Variants in ITGA8 observed in about 807,000 individuals in gnomAD.
ITGA8 encodes integrin alpha-8.
ITGA8 carries 91 observed loss-of-function variants against 142.3 expected under a neutral mutation model. That is an observed-to-expected ratio of 0.64 (90% CI 0.54 to 0.76). ITGA8 has a LOEUF of 0.76. Among genes scored for constraint, ITGA8 ranks in the 30% least tolerant of loss-of-function variants. The pLI, the probability that ITGA8 is intolerant of heterozygous loss-of-function variation, is 0.00. For synonymous variants in ITGA8, 505 were observed against 485.2 expected (o/e 1.04, Z -0.54); for missense variants, 1,406 against 1,327.7 (o/e 1.06, Z -0.92).
At chr10:15,569,550 A>G (rs1834141909) in intron 25 of ITGA8, among the ~76,000 whole-genome samples, 1 of 152,174 alleles carries the variant, frequency 6.6e-6, no homozygotes, top group Admixed American at 6.5e-5. Flanking sequence ...TAGTAAGCCC[A>G]TCCTCTGTCT....
At chr10:15,643,725 G>A (rs757027485) in intron 13 of ITGA8, among the ~76,000 whole-genome samples, 1 of 152,184 alleles carries the variant, frequency 6.6e-6, no homozygotes, top group Non-Finnish European at 1.5e-5. Flanking sequence ...AGTGCAAGCC[G>A]CGGTATTGAG....
At chr10:15,710,397 A>G (rs181834068) in intron 2 of ITGA8, among the ~76,000 whole-genome samples, 2 of 152,346 alleles carry the variant, frequency 1.3e-5, no homozygotes, top group East Asian at 3.9e-4. Context: ...CAAAAACATT[A>G]CTTATTTAGT....
chr10:15,630,696 C>T (rs1028513675), intron 13 of ITGA8, among the ~76,000 whole-genome samples: 3 of 151,746 alleles, frequency 2.0e-5, no homozygotes, highest in Non-Finnish European at 4.4e-5. Flanking sequence ...ATATGGCTTC[C>T]GATTTACATA....
chr10:15,681,632 A>G (rs1165680181), intron 4 of ITGA8, among the ~76,000 whole-genome samples: 2 of 152,196 alleles, frequency 1.3e-5, no homozygotes, highest in Non-Finnish European at 2.9e-5. Context: ...AGTCTGGCAA[A>G]AAGGCAGAAC....
At chr10:15,557,759 C>T (rs553519144) in intron 26 of ITGA8, among the ~76,000 whole-genome samples, 1 of 152,240 alleles carries the variant, frequency 6.6e-6, no homozygotes, top group Non-Finnish European at 1.5e-5. Context: ...CACAGCCCAG[C>T]ATCTATGCAC....
At chr10:15,541,416 A>C (rs1833566967) in intron 27 of ITGA8, among the ~76,000 whole-genome samples, 1 of 152,224 alleles carries the variant, frequency 6.6e-6, no homozygotes, top group Admixed American at 6.5e-5. Flanking sequence ...GGCATCAAAA[A>C]TCACTTCTTG....
At position 15,520,285 on chromosome 10, in the gene ITGA8, C is replaced by T. The variant is rs577394121; in HGVS notation, c.2983-873G>A. Among the ~76,000 whole-genome samples, 3 of 152,184 alleles carry T rather than the reference C, an allele frequency of 2.0e-5. No individual in the cohort carries two copies. The East Asian group carries it at 5.8e-4, about 30-fold the overall frequency. ...AAAATTAGCTGGGTGTGGTGGCGCA[C>T]ACCTGTAATCCCAGCTACTCAGGAG... is the stretch of plus-strand genomic sequence containing the variant. On this transcript the variant is annotated intron_variant, in intron 28 of 29. Coordinates refer to ENST00000378076, the MANE Select transcript of ITGA8 (RefSeq NM_003638.3).
intron 27 of ITGA8, among the ~76,000 whole-genome samples, chr10:15,538,068 C>G (rs150468178): frequency 8.8e-4 from 134 of 152,234 alleles, no homozygotes; most frequent in African/African-American, 3.1e-3. Flanking sequence ...AAGTTTGAGG[C>G]TGCAATGAGA....
chr10:15,631,386 A>G (rs1425813297), intron 13 of ITGA8, among the ~76,000 whole-genome samples: 1 of 152,038 alleles, frequency 6.6e-6, no homozygotes, highest in African/African-American at 2.4e-5. Flanking sequence ...CCATGCAGCC[A>G]TAAAAAAGGA....
intron 1 of ITGA8, 60 bp from the exon 2 acceptor site, chr10:15,718,959 C>T: frequency 6.2e-7 from 1 of 1,611,728 alleles, no homozygotes; most frequent in East Asian, 2.2e-5. Context: ...GCATGCAATG[C>T]AGTCTCTGTA....
chr10:15,651,979 A>G (rs1480083832), intron 11 of ITGA8, among the ~76,000 whole-genome samples: 1 of 152,176 alleles, frequency 6.6e-6, no homozygotes, highest in Non-Finnish European at 1.5e-5. Flanking sequence ...TATGAACGGC[A>G]TTAGTAAATT....
intron 27 of ITGA8, among the ~76,000 whole-genome samples, chr10:15,545,983 A>G (rs1833661083): frequency 6.6e-6 from 1 of 152,196 alleles, no homozygotes; most frequent in Non-Finnish European, 1.5e-5. Context: ...TGATACTGAC[A>G]CACTGGTCTC....
chr10:15,691,951 T>A (rs1834942152), intron 2 of ITGA8, among the ~76,000 whole-genome samples: 1 of 152,216 alleles, frequency 6.6e-6, no homozygotes, highest in Admixed American at 6.5e-5. Context: ...ATACAATTTT[T>A]TTTGAGACAG....
intron 10 of ITGA8, among the ~76,000 whole-genome samples, chr10:15,657,279 A>G (rs1333623203): frequency 6.6e-6 from 1 of 152,202 alleles, no homozygotes; most frequent in African/African-American, 2.4e-5. Flanking sequence ...ATTCTCATTC[A>G]CTTATTAATT....
intron 28 of ITGA8, among the ~76,000 whole-genome samples, chr10:15,530,584 C>G (rs952892502): frequency 6.9e-6 from 1 of 144,416 alleles, no homozygotes; most frequent in African/African-American, 2.5e-5. Context: ...TCAGTTGAAG[C>G]TCAGAGTAGA....
At chr10:15,571,135 A>G (rs1163399986) in intron 25 of ITGA8, among the ~76,000 whole-genome samples, 1 of 152,198 alleles carries the variant, frequency 6.6e-6, no homozygotes, top group Non-Finnish European at 1.5e-5. Flanking sequence ...TTTCTACATA[A>G]AGGAGGAGGC....
At chr10:15,702,632 G>T (rs573786587) in intron 2 of ITGA8, among the ~76,000 whole-genome samples, 12 of 152,210 alleles carry the variant, frequency 7.9e-5, no homozygotes, top group Non-Finnish European at 1.6e-4. Flanking sequence ...TCTAGGTATT[G>T]GTTGGGCTTC....
intron 23 of ITGA8, among the ~76,000 whole-genome samples, chr10:15,582,672 G>A (rs1220113147): frequency 1.3e-5 from 2 of 152,256 alleles, no homozygotes; most frequent in Admixed American, 1.3e-4. Flanking sequence ...AATAAGCACT[G>A]AAAAGATGCC....
At chr10:15,538,764 G>T (rs1378849170) in intron 27 of ITGA8, among the ~76,000 whole-genome samples, 1 of 151,946 alleles carries the variant, frequency 6.6e-6, no homozygotes, top group Non-Finnish European at 1.5e-5. Flanking sequence ...GCTAATAAAT[G>T]CATGCCAACA....
Sources: allele counts gnomAD v4.1 joint callset (sites outside exome capture counted in the v4.1 genomes callset), GRCh38; gene constraint gnomAD v4.1.1; transcripts MANE v1.5; gene names NCBI Gene and HGNC (gene_info 2026-07-23, HGNC 2026-07-21).